Variants in ASAH2 observed in about 807,000 individuals in gnomAD.
ASAH2 encodes neutral ceramidase.
In ASAH2, 58 loss-of-function variants were observed where a neutral mutation model predicts 82.9. The observed-to-expected ratio is 0.70, with a 90% CI of 0.57 to 0.87. The LOEUF (loss-of-function observed/expected upper bound fraction) is 0.87. ASAH2 is among the 40% of genes least tolerant of loss of function. The pLI, the probability that ASAH2 is intolerant of heterozygous loss-of-function variation, is 0.00. For synonymous variants in ASAH2, 276 were observed against 289.7 expected (o/e 0.95, Z 0.48); for missense variants, 779 against 834.0 (o/e 0.93, Z 0.81).
chr10:50,195,064 T>C (rs1401710153), intron 18 of ASAH2, among the ~76,000 whole-genome samples: 1 of 149,510 alleles, frequency 6.7e-6, no homozygotes, highest in African/African-American at 2.4e-5. Context: ...AACTAAACAG[T>C]TTCTGCACAA....
At chr10:50,231,538 C>A (rs1434705376) in intron 7 of ASAH2, among the ~76,000 whole-genome samples, 1 of 152,060 alleles carries the variant, frequency 6.6e-6, no homozygotes, top group African/African-American at 2.4e-5. Context: ...TGTCTCTTGC[C>A]CCAATCACCC....
intron 7 of ASAH2, among the ~76,000 whole-genome samples, chr10:50,228,372 G>A (rs1430610865): frequency 6.6e-6 from 1 of 152,054 alleles, no homozygotes; most frequent in Non-Finnish European, 1.5e-5. Flanking sequence ...AGAGTATAGA[G>A]TCAGAATACA....
At chr10:50,227,511 A>C (rs896545160) in intron 7 of ASAH2, among the ~76,000 whole-genome samples, 9 of 152,216 alleles carry the variant, frequency 5.9e-5, no homozygotes, top group Non-Finnish European at 1.0e-4. Context: ...AATGCACCTG[A>C]ATATTAACCA....
intron 12 of ASAH2, among the ~76,000 whole-genome samples, 178 bp downstream of exon 12, chr10:50,210,645 T>C (rs1845427417): frequency 6.6e-6 from 1 of 152,162 alleles, no homozygotes; most frequent in Non-Finnish European, 1.5e-5. Context: ...GAAATATTAG[T>C]GGTTGCTTAG....
At chr10:50,212,122 GC>G (rs1420553601) in intron 10 of ASAH2, among the ~76,000 whole-genome samples, 2 of 151,796 alleles carry the variant, frequency 1.3e-5, no homozygotes, top group Admixed American at 1.3e-4. Flanking sequence ...CTTTAAAGGT[GC>G]TTTTGTCCTT....
At chr10:50,227,178 A>G (rs1845907707) in intron 7 of ASAH2, among the ~76,000 whole-genome samples, 1 of 152,210 alleles carries the variant, frequency 6.6e-6, no homozygotes, top group Admixed American at 6.5e-5. Flanking sequence ...CATAAGAGAC[A>G]CCCTTAAAAT....
At chr10:50,233,336 C>A in intron 6 of ASAH2, 75 bp from the exon 7 acceptor site, 1 of 1,132,728 alleles carries the variant, frequency 8.8e-7, no homozygotes, top group Admixed American at 1.7e-5. Flanking sequence ...ACAGTAGCAG[C>A]TGACACAAAA....
At chr10:50,218,742 T>C in intron 7 of ASAH2, 112 bp from the exon 8 acceptor site, 5 of 1,218,998 alleles carry the variant, frequency 4.1e-6, no homozygotes, top group Non-Finnish European at 3.6e-6. Flanking sequence ...TTTTAAATAA[T>C]AGACATTCTA....
At chr10:50,225,336 A>G (rs1467985871) in intron 7 of ASAH2, among the ~76,000 whole-genome samples, 1 of 152,132 alleles carries the variant, frequency 6.6e-6, no homozygotes, top group Non-Finnish European at 1.5e-5. Flanking sequence ...GAATCACTTG[A>G]ACCCCCAGGA....
In ASAH2 at chr10:50,214,798, C is replaced by G. The variant is rs775501913; in HGVS notation, c.1085G>C (p.Cys362Ser). 9.9e-6 allele frequency: 16 copies of G among 1,613,640 alleles called. No homozygotes were observed. Among genetic ancestry groups the G allele is most frequent in the Middle Eastern group, 3.3e-4 (2 of 6,078 alleles). ...DVSPNILGPR[C>S]INTGESCDNA... ...ATCACAGGACTCTCCTGTGTTGATGCAACGTGGTCCAAGAATGTTGGGGGA... is the reference window on the plus strand; with the variant it reads ...ATCACAGGACTCTCCTGTGTTGATGGAACGTGGTCCAAGAATGTTGGGGGA... Residue 362 changes from cysteine (C) to serine (S), a missense_variant, in exon 9 of 21, where the codon TGC (cysteine) becomes TCC (serine). By Grantham distance (112) the Cys-to-Ser change is moderately radical (BLOSUM62 -1). Transcript: ENST00000682911.
At chr10:50,203,288 C>T (rs1164347354) in intron 15 of ASAH2, among the ~76,000 whole-genome samples, 1 of 151,840 alleles carries the variant, frequency 6.6e-6, no homozygotes, top group African/African-American at 2.4e-5. Context: ...AAAGAAAATT[C>T]AAAATACAGC....
In ASAH2 at chr10:50,243,424, A is replaced by G. The variant is rs1846361992; in HGVS notation, c.361-73T>C. The G allele has an allele frequency of 3.4e-6, 5 of 1,490,278 alleles. No homozygotes were observed. The South Asian group carries it at 4.0e-5, about 12-fold the overall frequency. The allele number at this position is 1,490,278 out of a possible 1,614,324, so 92.3% of individuals were successfully genotyped here. Reference sequence around the variant, plus strand: ...ACTAGAAACCAGGCACAAACATACAATATAGACGACTGCAGAAAAACAAAG... The same window carrying G: ...ACTAGAAACCAGGCACAAACATACAGTATAGACGACTGCAGAAAAACAAAG... On this transcript the variant is annotated intron_variant, in intron 3 of 20. Transcript: ENST00000682911.
In ASAH2 at chr10:50,233,150, C is replaced by T. The variant is rs1452994311; in HGVS notation, c.893+34G>A. On this transcript the variant is annotated intron_variant, in intron 7 of 20. Coordinates refer to ENST00000682911, the MANE Select transcript of ASAH2 (RefSeq NM_019893.4). ...TTCTCTTTAATTAAGAAAAGCTACC[C>T]GACAGAATTATTTTTAAAAAGGAAA... The T allele has an allele frequency of 4.6e-5, 67 of 1,448,424 alleles. 1 individual carries two copies. In the South Asian group the frequency reaches 5.1e-4, roughly 11 times the overall value. 89.7% of individuals were successfully genotyped at this position (1,448,424 alleles called of 1,614,324 possible). A position where few individuals can be genotyped will look rare whatever the true frequency, so the allele number is the denominator to read the frequency against.
At chr10:50,241,049 G>A (rs1274699048) in intron 4 of ASAH2, among the ~76,000 whole-genome samples, 2 of 152,198 alleles carry the variant, frequency 1.3e-5, no homozygotes, top group African/African-American at 4.8e-5. Flanking sequence ...CACTCTGAGG[G>A]AATCTAGCTG....
chr10:50,225,172 T>C (rs796100796), intron 7 of ASAH2, among the ~76,000 whole-genome samples: 147,401 of 152,332 alleles, frequency 0.97, 71,486 homozygotes, highest in East Asian at 1. Context: ...CCTTGCACCA[T>C]GCCTTTAGTC....
intron 18 of ASAH2, among the ~76,000 whole-genome samples, chr10:50,196,279 T>C (rs1844979879): frequency 6.6e-6 from 1 of 151,924 alleles, no homozygotes; most frequent in South Asian, 2.1e-4. Flanking sequence ...AGAAAAGAAA[T>C]ATAGAAAGGA....
Position 50,236,117 on chromosome 10 carries a change from C to T in ASAH2, c.511-53G>A, listed in dbSNP as rs983867471. On this transcript the variant is annotated intron_variant, in intron 4 of 20. Coordinates refer to ENST00000682911, the MANE Select transcript of ASAH2 (RefSeq NM_019893.4). The stretch of plus-strand genomic sequence containing the variant: ...GAAGAGGGATAACATAGGAGCTCAA[C>T]ATGAGAAAAGGCTTTGATGAGTTCA... 7.0e-5 allele frequency: 107 copies of T among 1,535,206 alleles called. 1 individual carries two copies. The African/African-American group carries it at 1.2e-3, about 17-fold the overall frequency.
chr10:50,241,086 G>A (rs1846280632), intron 4 of ASAH2, among the ~76,000 whole-genome samples: 1 of 152,196 alleles, frequency 6.6e-6, no homozygotes, highest in Non-Finnish European at 1.5e-5. Flanking sequence ...GGAAGAGTGA[G>A]GAACTGAGGC....
chr10:50,248,983 T>G (rs1380423798), intron 1 of ASAH2, among the ~76,000 whole-genome samples: 1 of 152,200 alleles, frequency 6.6e-6, no homozygotes, highest in Non-Finnish European at 1.5e-5. Context: ...GATGATGCTG[T>G]TTATGGATCT....
Sources: allele counts gnomAD v4.1 joint callset (sites outside exome capture counted in the v4.1 genomes callset), GRCh38; gene constraint gnomAD v4.1.1; transcripts MANE v1.5; gene names NCBI Gene and HGNC (gene_info 2026-07-23, HGNC 2026-07-21).